Variants in PPFIBP1 observed in about 807,000 individuals in gnomAD.
The protein encoded by PPFIBP1 is PPFIB scaffold protein 1.
PPFIBP1 carries 112 observed loss-of-function variants against 137.8 expected under a neutral mutation model. The observed-to-expected ratio is 0.81, with a 90% confidence interval of 0.70 to 0.95. PPFIBP1 has a LOEUF of 0.95. Ranked by LOEUF, PPFIBP1 falls within the 40% of genes least tolerant of loss-of-function variation. PPFIBP1 has a pLI of 0.00. For missense variants in PPFIBP1, 1,083 were observed against 1,196.6 expected (o/e 0.91, Z 1.40); for synonymous variants, 378 against 417.3 (o/e 0.91, Z 1.15).
intron 6 of PPFIBP1, among the ~76,000 whole-genome samples, chr12:27,649,143 G>T (rs1457552723): frequency 6.6e-6 from 1 of 152,150 alleles, no homozygotes; most frequent in Non-Finnish European, 1.5e-5. Flanking sequence ...AAGTAGAAAA[G>T]AAAATATCTA....
intron 2 of PPFIBP1, among the ~76,000 whole-genome samples, chr12:27,603,120 C>T (rs574657374): frequency 1.4e-4 from 21 of 152,298 alleles, no homozygotes; most frequent in African/African-American, 4.8e-4. Context: ...GTCCTCTCCT[C>T]GCTCTCTGTT....
intron 1 of PPFIBP1, among the ~76,000 whole-genome samples, chr12:27,550,205 G>T (rs996574416): frequency 3.9e-5 from 6 of 152,190 alleles, no homozygotes; most frequent in African/African-American, 1.4e-4. Flanking sequence ...GGCCCCATGG[G>T]GGAGCTGGGC....
At chr12:27,565,623 T>G (rs2049578631) in intron 1 of PPFIBP1, among the ~76,000 whole-genome samples, 1 of 152,156 alleles carries the variant, frequency 6.6e-6, no homozygotes. Context: ...CCTAAGCACA[T>G]AACTAATGAC....
At position 27,585,724 on chromosome 12, in the gene PPFIBP1, C is replaced by T. The variant is rs549358844; in HGVS notation, c.-36+7485C>T. On this transcript the variant is annotated intron_variant, in intron 2 of 29. Transcript: ENST00000228425. ...AAGGCAGAGTGAGGTTAATTCCAAC[C>T]TGCTCTGTTCTACGGAGGAGCTTCA... Among the ~76,000 whole-genome samples the T allele has an allele frequency of 7.2e-4, 109 of 152,284 alleles. 2 individuals are homozygous for T. Among genetic ancestry groups the T allele is most frequent in the South Asian group, 7.0e-3 (34 of 4,826 alleles).
At position 27,565,609 on chromosome 12, in the gene PPFIBP1, C is replaced by T. The variant is rs546349078; in HGVS notation, c.-123-12543C>T. Among the ~76,000 whole-genome samples the T allele has an allele frequency of 2.4e-4, 36 of 152,292 alleles. No individual in the cohort carries two copies. In the Middle Eastern group the frequency reaches 0.01, roughly 43 times the overall value. On this transcript the variant is annotated intron_variant, in intron 1 of 29. Coordinates refer to ENST00000228425, the MANE Select transcript of PPFIBP1 (RefSeq NM_003622.4). The stretch of plus-strand genomic sequence containing the variant: ...TGCATAAAAACATTCAGGATGTCCC[C>T]CTTCCTAAGCACATAACTAATGACT...
chr12:27,586,128 C>T (rs558171195), intron 2 of PPFIBP1, among the ~76,000 whole-genome samples: 4 of 152,232 alleles, frequency 2.6e-5, no homozygotes, highest in East Asian at 1.9e-4. Context: ...GAGGCTAATA[C>T]TGTTAGTGTT....
At chr12:27,583,211 A>G (rs377100606) in intron 2 of PPFIBP1, among the ~76,000 whole-genome samples, 1 of 152,152 alleles carries the variant, frequency 6.6e-6, no homozygotes, top group East Asian at 1.9e-4. Flanking sequence ...CTGCACTTGG[A>G]TGACGGCTTT....
intron 4 of PPFIBP1, chr12:27,637,465 G>A (rs1362244657): frequency 1.3e-5 from 2 of 152,208 alleles, no homozygotes; most frequent in Non-Finnish European, 2.9e-5. Context: ...TGAAGATTCC[G>A]TTTTTATCCT....
chr12:27,619,908 TTA>T (rs1215853472), intron 2 of PPFIBP1, among the ~76,000 whole-genome samples: 3 of 151,704 alleles, frequency 2.0e-5, no homozygotes, highest in Non-Finnish European at 2.9e-5. Flanking sequence ...CAATATGCGT[TTA>T]TATATATACA....
rs1041929806 is a variant in PPFIBP1, at chr12:27,551,223, C to T, written c.-124+26858C>T. Among the ~76,000 whole-genome samples, 4 of 152,088 alleles carry T rather than the reference C, an allele frequency of 2.6e-5. No homozygotes were observed. In the East Asian group the frequency reaches 7.7e-4, roughly 29 times the overall value. ...GAGTGTGATCTGATAGACAGGTGCT[C>T]AGTGCTCCAGGAGCACCTAACCCAG... On this transcript the variant is annotated intron_variant, in intron 1 of 29. Coordinates refer to ENST00000228425, the MANE Select transcript of PPFIBP1 (RefSeq NM_003622.4).
chr12:27,539,487 A>G (rs928977711), intron 1 of PPFIBP1, among the ~76,000 whole-genome samples: 5 of 152,204 alleles, frequency 3.3e-5, no homozygotes, highest in African/African-American at 1.2e-4. Context: ...TGTTTTGACT[A>G]TCAAATTCCC....
At chr12:27,574,478 T>A (rs1365943500) in intron 1 of PPFIBP1, among the ~76,000 whole-genome samples, 1 of 152,198 alleles carries the variant, frequency 6.6e-6, no homozygotes, top group Non-Finnish European at 1.5e-5. Context: ...ATTCTTTGAT[T>A]ACTTATGCTA....
In PPFIBP1 at chr12:27,653,853, A is replaced by G. The variant is rs372306570; in HGVS notation, c.604-869A>G. On this transcript the variant is annotated intron_variant, in intron 7 of 29. Coordinates refer to ENST00000228425, the MANE Select transcript of PPFIBP1 (RefSeq NM_003622.4). ...AAAAGGTGCAGAATTGTGTTGTGTC[A>G]TATAAACACTAGGATTGGTTTCTCT... Among the ~76,000 whole-genome samples, 5 of 152,222 alleles carry G rather than the reference A, an allele frequency of 3.3e-5. No individual in the cohort carries two copies. The East Asian group carries it at 5.8e-4, about 18-fold the overall frequency.
intron 2 of PPFIBP1, among the ~76,000 whole-genome samples, chr12:27,622,781 G>C (rs1592927975): frequency 6.6e-6 from 1 of 152,230 alleles, no homozygotes; most frequent in Admixed American, 6.5e-5. Context: ...GTGTGTGTAT[G>C]TGTGTGTCTG....
At chr12:27,685,104 G>T (rs1380214409) in intron 24 of PPFIBP1, among the ~76,000 whole-genome samples, 1 of 151,702 alleles carries the variant, frequency 6.6e-6, no homozygotes, top group African/African-American at 2.4e-5. Context: ...TTTCACATAC[G>T]CTGCTTGTGA....
chr12:27,542,133 A>G (rs1169001862), intron 1 of PPFIBP1, among the ~76,000 whole-genome samples: 1 of 152,236 alleles, frequency 6.6e-6, no homozygotes, highest in Non-Finnish European at 1.5e-5. Context: ...GATTCAACCA[A>G]TAGCAGATGG....
chr12:27,651,575 G>A (rs893600879), intron 7 of PPFIBP1, among the ~76,000 whole-genome samples: 1 of 151,786 alleles, frequency 6.6e-6, no homozygotes, highest in Admixed American at 6.6e-5. Context: ...CCCTCTTTTT[G>A]TCAGGTCCTA....
intron 1 of PPFIBP1, among the ~76,000 whole-genome samples, chr12:27,563,050 A>G (rs531633223): frequency 5.9e-5 from 9 of 151,662 alleles, no homozygotes; most frequent in Admixed American, 5.3e-4. Flanking sequence ...AACTTTGCAG[A>G]TGGAATTAAG....
chr12:27,639,747 T>C (rs751050211), intron 4 of PPFIBP1, among the ~76,000 whole-genome samples: 22 of 152,214 alleles, frequency 1.4e-4, no homozygotes, highest in Admixed American at 1.3e-3. Context: ...ATTTTTACAT[T>C]AAAAGTGAGA....
Sources: allele counts gnomAD v4.1 joint callset (sites outside exome capture counted in the v4.1 genomes callset), GRCh38; gene constraint gnomAD v4.1.1; transcripts MANE v1.5; gene names NCBI Gene and HGNC (gene_info 2026-07-23, HGNC 2026-07-21).